The following GABRB1 variants were observed in gnomAD, a reference collection of about 807,000 sequenced individuals.
The protein encoded by GABRB1 is gamma-aminobutyric acid type A receptor subunit beta1.
GABRB1 carries 17 observed loss-of-function variants against 51.6 expected under a neutral mutation model. The ratio of observed to expected loss-of-function variants is 0.33; its 90% CI spans 0.23 to 0.49. The LOEUF (loss-of-function observed/expected upper bound fraction) is 0.49. Among genes scored for constraint, GABRB1 ranks in the 20% least tolerant of loss-of-function variants. The pLI is 0.99. For missense variants in GABRB1, 410 were observed against 600.6 expected, an observed-to-expected ratio of 0.68 and a Z score of 3.32; for synonymous variants, 247 against 218.9, an observed-to-expected ratio of 1.13 and a Z score of -1.14.
chr4:47,170,577 T>C (rs1223567430), intron 4 of GABRB1, among the ~76,000 whole-genome samples: 1 of 152,092 alleles, frequency 6.6e-6, no homozygotes. Flanking sequence ...CATTCAAAAG[T>C]CCTGGGCAGA....
At chr4:47,109,953 T>C (rs1354204454) in intron 3 of GABRB1, among the ~76,000 whole-genome samples, 4 of 152,044 alleles carry the variant, frequency 2.6e-5, no homozygotes, top group Non-Finnish European at 5.9e-5. Context: ...AGTTCAACAT[T>C]GTAGTGGAAG....
chr4:47,123,911 T>TAATATA (rs1233651112), intron 3 of GABRB1, among the ~76,000 whole-genome samples: 6 of 59,248 alleles, frequency 1.0e-4, no homozygotes, highest in South Asian at 8.3e-4. Flanking sequence ...ATATTATATA[T>TAATATA]TAATATATGA....
At chr4:47,326,742 T>C (rs1447681725) in intron 5 of GABRB1, among the ~76,000 whole-genome samples, 1 of 152,152 alleles carries the variant, frequency 6.6e-6, no homozygotes. Context: ...GACACTAAAA[T>C]CTGCCAGTAC....
chr4:47,084,762 G>T (rs1208148810), intron 3 of GABRB1, among the ~76,000 whole-genome samples: 2 of 152,070 alleles, frequency 1.3e-5, no homozygotes, highest in Non-Finnish European at 2.9e-5. Context: ...GGTAGCCCAG[G>T]TACCCATAGT....
At chr4:47,417,515 G>A (rs774073707) in intron 8 of GABRB1, among the ~76,000 whole-genome samples, 2 of 151,624 alleles carry the variant, frequency 1.3e-5, no homozygotes, top group Admixed American at 6.6e-5. Flanking sequence ...CCTGGTGAGC[G>A]CAAATGACTG....
chr4:47,243,088 T>A (rs1318545473), intron 4 of GABRB1, among the ~76,000 whole-genome samples: 1 of 152,218 alleles, frequency 6.6e-6, no homozygotes, highest in African/African-American at 2.4e-5. Flanking sequence ...GGATCCAGTT[T>A]CAGCTTTCTA....
chr4:47,169,321 T>G (rs1324646108), intron 4 of GABRB1, among the ~76,000 whole-genome samples: 1 of 152,204 alleles, frequency 6.6e-6, no homozygotes, highest in African/African-American at 2.4e-5. Context: ...GACTGCTTCC[T>G]CTTATTTAGC....
chr4:47,056,320 G>C (rs1480117556), intron 3 of GABRB1, among the ~76,000 whole-genome samples: 1 of 152,106 alleles, frequency 6.6e-6, no homozygotes, highest in South Asian at 2.1e-4. Flanking sequence ...CTCCGACCCA[G>C]CTTAGAAGGC....
chr4:47,196,419 A>G (rs1048203831), intron 4 of GABRB1, among the ~76,000 whole-genome samples: 4 of 152,232 alleles, frequency 2.6e-5, no homozygotes, highest in African/African-American at 9.6e-5. Context: ...CACTGGATAG[A>G]TCCAATCTGG....
rs541078664 is a variant in GABRB1 at position 47,400,062 on chromosome 4, C to A, written c.545-3256C>A. Among the ~76,000 whole-genome samples, 18 of 152,246 alleles carry A rather than the reference C, an allele frequency of 1.2e-4. 1 individual carries two copies. In the South Asian group the frequency reaches 3.7e-3, roughly 32 times the overall value. ...AATGCCCACTATTCATATATTAGATCTCCTAGATGAGTCCTTCAAAGCTTT... is the reference window on the plus strand; with the variant it reads ...AATGCCCACTATTCATATATTAGATATCCTAGATGAGTCCTTCAAAGCTTT... On this transcript the variant is annotated intron_variant, in intron 5 of 8. Coordinates refer to ENST00000295454, the MANE Select transcript of GABRB1 (RefSeq NM_000812.4).
intron 4 of GABRB1, among the ~76,000 whole-genome samples, chr4:47,284,211 T>TCAAA (rs1723416867): frequency 1.3e-5 from 2 of 152,114 alleles, no homozygotes; most frequent in African/African-American, 4.8e-5. Context: ...GACAGGCTTT[T>TCAAA]GGCTGAGGTC....
rs547777428 is a variant in GABRB1, at chr4:47,018,636, A to G, written c.-19-13278A>G. Among the ~76,000 whole-genome samples, 24 of 152,298 alleles carry G rather than the reference A, an allele frequency of 1.6e-4. No homozygotes were observed. In the South Asian group the frequency reaches 2.7e-3, roughly 17 times the overall value. The stretch of plus-strand genomic sequence containing the variant: ...GATAACACAAGCAGTTGATTGACAC[A>G]TATTTTATATATGACATGCATTGGG... On this transcript the variant is annotated intron_variant, in intron 1 of 3. Coordinates refer to the GABRB1 transcript ENST00000513567.
At chr4:47,335,467 C>G (rs188290646) in intron 5 of GABRB1, among the ~76,000 whole-genome samples, 14 of 151,910 alleles carry the variant, frequency 9.2e-5, no homozygotes, top group Admixed American at 7.9e-4. Context: ...TCCCTGTTGT[C>G]CATCTGATTA....
At chr4:46,994,135 G>T (rs969603884) in intron 1 of GABRB1, 1 of 152,388 alleles carries the variant, frequency 6.6e-6, no homozygotes, top group Non-Finnish European at 1.5e-5. Context: ...GGTAACAGGG[G>T]TTGCAGCTCA....
chr4:47,329,267 T>C (rs1285978935), intron 5 of GABRB1, among the ~76,000 whole-genome samples: 2 of 152,002 alleles, frequency 1.3e-5, no homozygotes, highest in African/African-American at 4.8e-5. Context: ...TGCTATCATA[T>C]AGCAGATGAA....
intron 5 of GABRB1, among the ~76,000 whole-genome samples, chr4:47,368,826 G>T (rs981169031): frequency 6.6e-6 from 1 of 152,012 alleles, no homozygotes; most frequent in Admixed American, 6.5e-5. Context: ...AGTTGCTCTT[G>T]GCCAGGCATG....
chr4:47,263,120 C>A (rs1259782942), intron 4 of GABRB1, among the ~76,000 whole-genome samples: 1 of 151,306 alleles, frequency 6.6e-6, no homozygotes, highest in East Asian at 1.9e-4. Context: ...GTGCAGCACA[C>A]TAGCAGGGCA....
chr4:47,240,706 C>T (rs76112682), intron 4 of GABRB1, among the ~76,000 whole-genome samples: 17,796 of 152,170 alleles, frequency 0.12, 1,276 homozygotes, highest in Non-Finnish European at 0.15. Context: ...TTCAGTACCT[C>T]AGTACTCTGA....
chr4:47,206,272 C>T (rs1295273427), intron 4 of GABRB1, among the ~76,000 whole-genome samples: 1 of 151,998 alleles, frequency 6.6e-6, no homozygotes, highest in African/African-American at 2.4e-5. Flanking sequence ...TTTTAAAATT[C>T]ATGGAAGCTC....
Sources: allele counts gnomAD v4.1 joint callset (sites outside exome capture counted in the v4.1 genomes callset), GRCh38; gene constraint gnomAD v4.1.1; transcripts MANE v1.5; gene names NCBI Gene and HGNC (gene_info 2026-07-23, HGNC 2026-07-21).